The following GLYR1 variants were observed in gnomAD, a reference collection of about 807,000 sequenced individuals.
The protein encoded by GLYR1 is cytokine-like nuclear factor N-PAC.
In GLYR1, 21 loss-of-function variants were observed where a neutral mutation model predicts 72.7. That is an observed-to-expected ratio of 0.29 (90% CI 0.20 to 0.42). The LOEUF (loss-of-function observed/expected upper bound fraction) is 0.42, where lower values mean the gene tolerates loss of function less well. Ranked by LOEUF, GLYR1 falls within the 10% of genes least tolerant of loss-of-function variation. The pLI is 1.00. For synonymous variants in GLYR1, 392 were observed against 270.2 expected (o/e 1.45, Z -4.42); for missense variants, 594 against 712.1 (o/e 0.83, Z 1.89).
intron 2 of GLYR1, among the ~76,000 whole-genome samples, chr16:4,845,361 G>A (rs1355966316): frequency 6.6e-6 from 1 of 152,226 alleles, no homozygotes; most frequent in Non-Finnish European, 1.5e-5. Context: ...GTATGGAAAT[G>A]TGTAGATATT....
rs2085903120 is a variant in GLYR1, at chr16:4,845,136, C to T, written c.93G>A (p.Lys31=). ...PWPGKIVNPP[K]DLKKPRGKKC... ...TCTTTCCGCGAGGTTTCTTCAAGTCCTTTGGTGGATTAACAATCTGGAGGA... is the reference window on the plus strand; with the variant it reads ...TCTTTCCGCGAGGTTTCTTCAAGTCTTTTGGTGGATTAACAATCTGGAGGA... Residue 31 remains lysine, a synonymous_variant, in exon 3 of 16, where the codon AAG becomes AAA. Transcript: ENST00000321919. 1 of 1,613,944 alleles carries T rather than the reference C, an allele frequency of 6.2e-7. No individual in the cohort carries two copies. The highest frequency in any genetic ancestry group is 8.5e-7 in the Non-Finnish European group (1 of 1,179,904).
intron 5 of GLYR1, among the ~76,000 whole-genome samples, 155 bp downstream of exon 5, chr16:4,831,824 G>A (rs142721535): frequency 4.8e-4 from 73 of 152,258 alleles, no homozygotes; most frequent in African/African-American, 1.6e-3. Flanking sequence ...ATGAGCCACC[G>A]CACCTGCCCT....
chr16:4,838,674 C>G (rs1170589307), intron 3 of GLYR1, among the ~76,000 whole-genome samples: 4 of 151,922 alleles, frequency 2.6e-5, no homozygotes, highest in Non-Finnish European at 5.9e-5. Context: ...GCAAGCTCTG[C>G]CTCTGGGGTT....
At chr16:4,839,257 T>C (rs1418027174) in intron 3 of GLYR1, 4 of 152,304 alleles carry the variant, frequency 2.6e-5, no homozygotes, top group African/African-American at 9.7e-5. Context: ...CTTTAAATTT[T>C]TTATTTTTAA....
chr16:4,814,582 G>C lies in GLYR1; in HGVS notation c.972C>G (p.Cys324Trp). The part of the protein sequence containing the change: ...GRTPAEVVST[C>W]DITFACVSDP... ...CCGACACGCAGGCGAAAGTGATGTC[G>C]CAGGTTGAGACGACTTCAGCGGGGG... The change falls in exon 11 of 16, where the codon TGC (cysteine) becomes TGG (tryptophan). Residue 324 changes from cysteine to tryptophan, a missense_variant. Physicochemically the swap from Cys to Trp is radical, Grantham distance 215. Transcript: ENST00000321919. 1 of 1,614,114 alleles carries C rather than the reference G, an allele frequency of 6.2e-7. No individual in the cohort carries two copies. The highest frequency in any genetic ancestry group is 8.5e-7 in the Non-Finnish European group (1 of 1,180,020).
chr16:4,845,407 C>T (rs1162500066), intron 2 of GLYR1, among the ~76,000 whole-genome samples: 1 of 152,130 alleles, frequency 6.6e-6, no homozygotes, highest in African/African-American at 2.4e-5. Context: ...TAGCACAGTG[C>T]TCAGTAGACA....
At chr16:4,810,835 T>C (rs141344574) in intron 15 of GLYR1, among the ~76,000 whole-genome samples, 1,689 of 150,150 alleles carry the variant, frequency 0.011, 10 homozygotes, top group Non-Finnish European at 0.018. Context: ...CTGGGCGTGG[T>C]AGCTCATGCC....
In GLYR1 at chr16:4,813,979, T is replaced by A. The variant is rs1032019260; in HGVS notation, c.1018-141A>T. ...AGCTGAAAAGGGAAGAACAATGAAATAAGCAAGGGATAGAAAAGTACTTCC... is the reference window on the plus strand; with the variant it reads ...AGCTGAAAAGGGAAGAACAATGAAAAAAGCAAGGGATAGAAAAGTACTTCC... On this transcript the variant is annotated intron_variant, in intron 11 of 15. Coordinates refer to ENST00000321919, the MANE Select transcript of GLYR1 (RefSeq NM_032569.4). The A allele has an allele frequency of 3.4e-6, 2 of 594,916 alleles. 1 individual carries two copies. Among genetic ancestry groups the A allele is most frequent in the Middle Eastern group, 8.0e-4 (2 of 2,506 alleles). The allele number at this position is 594,916 out of a possible 1,614,324, so 36.9% of individuals were successfully genotyped here.
intron 15 of GLYR1, among the ~76,000 whole-genome samples, chr16:4,806,226 C>A (rs542068781): frequency 5.3e-5 from 8 of 152,242 alleles, no homozygotes; most frequent in South Asian, 4.1e-4. Context: ...ATAGCCCCCC[C>A]ACACAGAATG....
chr16:4,805,612 G>A (rs1567628403), intron 15 of GLYR1, among the ~76,000 whole-genome samples: 1 of 152,198 alleles, frequency 6.6e-6, no homozygotes, highest in Non-Finnish European at 1.5e-5. Flanking sequence ...AGGCCGAGGT[G>A]GGTGGATCAC....
intron 5 of GLYR1, among the ~76,000 whole-genome samples, chr16:4,827,612 A>C (rs1057034479): frequency 2.6e-5 from 4 of 152,216 alleles, no homozygotes; most frequent in African/African-American, 7.2e-5. Flanking sequence ...AACAAACAAA[A>C]AAAACGGGCC....
chr16:4,824,336 A>G (rs563956911), intron 5 of GLYR1, among the ~76,000 whole-genome samples: 1 of 152,042 alleles, frequency 6.6e-6, no homozygotes, highest in Admixed American at 6.6e-5. Flanking sequence ...AACACGGTGA[A>G]ACCCCGTCTC....
chr16:4,810,209 CAA>C (rs777780816), intron 15 of GLYR1, among the ~76,000 whole-genome samples: 63 of 151,500 alleles, frequency 4.2e-4, no homozygotes, highest in Admixed American at 2.9e-3. Flanking sequence ...TGAAAAAGAA[CAA>C]AGAGGCCAGA....
intron 3 of GLYR1, chr16:4,843,848 C>A: frequency 1.2e-5 from 2 of 162,418 alleles, no homozygotes; most frequent in Non-Finnish European, 2.4e-5. Context: ...GTAATCCCAG[C>A]ACTTTGGGAG....
rs577785926 is a variant in GLYR1, at chr16:4,847,128, T to A, written c.38+100A>T. On this transcript the variant is annotated intron_variant, in intron 1 of 15. Transcript: ENST00000321919. ...CTTCTCTTCCCCTCTCTCCGCGACC[T>A]GGAGCGCATAAAAAGGCAGCTCCAG... 2.0e-5 allele frequency: 22 copies of A among 1,126,980 alleles called. 1 individual carries two copies. The African/African-American group carries it at 3.3e-4, about 17-fold the overall frequency. The allele number at this position is 1,126,980 out of a possible 1,614,324, so 69.8% of individuals were successfully genotyped here.
At chr16:4,816,434 C>T (rs1253582906) in intron 10 of GLYR1, among the ~76,000 whole-genome samples, 2 of 152,144 alleles carry the variant, frequency 1.3e-5, no homozygotes, top group Non-Finnish European at 2.9e-5. Context: ...TGAGCCTATT[C>T]TTAGATCTAA....
At chr16:4,808,399 C>T (rs982877585) in intron 15 of GLYR1, among the ~76,000 whole-genome samples, 3 of 151,960 alleles carry the variant, frequency 2.0e-5, no homozygotes, top group Non-Finnish European at 4.4e-5. Context: ...GAGTTTGAGA[C>T]CAACCTGGCC....
intron 10 of GLYR1, among the ~76,000 whole-genome samples, chr16:4,816,973 C>T (rs1429505101): frequency 6.8e-6 from 1 of 146,494 alleles, no homozygotes; most frequent in Non-Finnish European, 1.5e-5. Flanking sequence ...GAGACGGAGT[C>T]TTGTTCTGTT....
intron 15 of GLYR1, among the ~76,000 whole-genome samples, chr16:4,808,180 G>A (rs1313002050): frequency 2.8e-5 from 4 of 140,950 alleles, no homozygotes; most frequent in Non-Finnish European, 6.0e-5. Flanking sequence ...GGGCTGCAGT[G>A]AACTGAGATC....
Sources: allele counts gnomAD v4.1 joint callset (sites outside exome capture counted in the v4.1 genomes callset), GRCh38; gene constraint gnomAD v4.1.1; transcripts MANE v1.5; gene names NCBI Gene and HGNC (gene_info 2026-07-23, HGNC 2026-07-21).